PPFIBP1: variants seen among roughly 807,000 people sequenced by gnomAD.
PPFIBP1 encodes liprin-beta-1.
Under a neutral mutation model 137.8 loss-of-function variants are expected in PPFIBP1, and 112 were observed. The observed-to-expected ratio is 0.81, with a 90% CI of 0.70 to 0.95. PPFIBP1 has a LOEUF of 0.95. Among genes scored for constraint, PPFIBP1 ranks in the 40% least tolerant of loss-of-function variants. The probability of loss-of-function intolerance (pLI) is 0.00; values close to 1 mark genes in which losing one functional copy is unlikely to be tolerated. For missense variants in PPFIBP1, 1,083 were observed against 1,196.6 expected (o/e 0.91, Z 1.40); for synonymous variants, 378 against 417.3 (o/e 0.91, Z 1.15).
chr12:27,677,009 T>C (rs755235289), intron 18 of PPFIBP1, 55 bp from the exon 19 acceptor site: 2 of 1,613,532 alleles, frequency 1.2e-6, no homozygotes, highest in Non-Finnish European at 1.7e-6. Flanking sequence ...TTGTCATCTC[T>C]GTGTTCTCTC....
chr12:27,573,947 A>G (rs2050346759), intron 1 of PPFIBP1, among the ~76,000 whole-genome samples: 1 of 150,600 alleles, frequency 6.6e-6, no homozygotes, highest in South Asian at 2.1e-4. Context: ...GTACCACTGC[A>G]CTCCAGCTTG....
intron 2 of PPFIBP1, among the ~76,000 whole-genome samples, chr12:27,595,879 ACAACAAAATATATATATATAT>A (rs2053180884): frequency 1.1e-4 from 5 of 46,434 alleles, no homozygotes; most frequent in Non-Finnish European, 1.3e-4. Flanking sequence ...AACAACAACA[ACAACAAAATATATATATATAT>A]ATATATATAT....
intron 18 of PPFIBP1, 77 bp from the exon 19 acceptor site, chr12:27,676,987 C>T (rs1161560600): frequency 1.2e-6 from 2 of 1,600,282 alleles, no homozygotes; most frequent in African/African-American, 2.7e-5. Flanking sequence ...GGAGTCTGAT[C>T]TGCATTTCAT....
intron 9 of PPFIBP1, 54 bp from the exon 10 acceptor site, chr12:27,658,762 T>G: frequency 1.3e-6 from 2 of 1,523,072 alleles, no homozygotes; most frequent in Non-Finnish European, 1.8e-6. Context: ...TTAAAAATAT[T>G]ACTTATTGTT....
intron 17 of PPFIBP1, among the ~76,000 whole-genome samples, chr12:27,676,184 G>A (rs758833194): frequency 4.6e-5 from 7 of 152,104 alleles, no homozygotes; most frequent in Admixed American, 3.3e-4. Context: ...TAGACATATC[G>A]ATTCTAGATT....
At chr12:27,539,948 A>G (rs1945466681) in intron 1 of PPFIBP1, among the ~76,000 whole-genome samples, 1 of 151,878 alleles carries the variant, frequency 6.6e-6, no homozygotes. Flanking sequence ...TTTTATTTTC[A>G]TTTCCTTACA....
chr12:27,534,214 G>C (rs1944723211), intron 1 of PPFIBP1, among the ~76,000 whole-genome samples: 1 of 152,170 alleles, frequency 6.6e-6, no homozygotes, highest in Non-Finnish European at 1.5e-5. Flanking sequence ...AAATCAAGTG[G>C]AGGGCAGTGG....
intron 2 of PPFIBP1, among the ~76,000 whole-genome samples, chr12:27,596,247 TGC>T (rs1407696743): frequency 2.6e-5 from 4 of 152,226 alleles, no homozygotes; most frequent in African/African-American, 9.6e-5. Flanking sequence ...AGTTAAAGTT[TGC>T]CATGACTCAG....
In PPFIBP1 at chr12:27,693,063, A is replaced by G; in HGVS notation, c.*181A>G. The G allele has an allele frequency of 2.4e-6, 2 of 843,674 alleles. No homozygotes were observed. Among genetic ancestry groups the G allele is most frequent in the Non-Finnish European group, 3.4e-6 (2 of 583,252 alleles). The allele number at this position is 843,674 out of a possible 1,614,324, so 52.3% of individuals were successfully genotyped here. On this transcript the variant is annotated 3_prime_UTR_variant, in exon 30 of 30. Coordinates refer to ENST00000228425, the MANE Select transcript of PPFIBP1 (RefSeq NM_003622.4). ...CGATTCTGAAGTTGCCACAAAAAAT[A>G]AGACACTGGTGAATGAGAGTATAAT... is the stretch of plus-strand genomic sequence containing the variant.
At chr12:27,619,967 T>C (rs900577034) in intron 2 of PPFIBP1, among the ~76,000 whole-genome samples, 1 of 151,824 alleles carries the variant, frequency 6.6e-6, no homozygotes, top group African/African-American at 2.4e-5. Context: ...ATTTTATATA[T>C]ATATTTACAT....
At chr12:27,633,663 T>G (rs553952577) in intron 3 of PPFIBP1, among the ~76,000 whole-genome samples, 3 of 152,320 alleles carry the variant, frequency 2.0e-5, no homozygotes, top group Non-Finnish European at 2.9e-5. Context: ...ATCAAAAATT[T>G]CAGTTCCATC....
rs188579193 is a variant in PPFIBP1, at chr12:27,595,542, C to G, written c.-36+17303C>G. Reference sequence around the variant, plus strand: ...CGGGGATAGAAAGCCACAGAATTATCCCTTTTGCTTCCAAAATATTCTGTG... The same window carrying G: ...CGGGGATAGAAAGCCACAGAATTATGCCTTTTGCTTCCAAAATATTCTGTG... On this transcript the variant is annotated intron_variant, in intron 2 of 29. Coordinates refer to ENST00000228425, the MANE Select transcript of PPFIBP1 (RefSeq NM_003622.4). 3.8e-3 allele frequency among the ~76,000 whole-genome samples: 583 copies of G among 152,210 alleles called. 1 individual carries two copies. The highest frequency in any genetic ancestry group is 6.4e-3 in the Non-Finnish European group (434 of 68,010).
At chr12:27,689,640 C>G (rs1305052089) in intron 27 of PPFIBP1, among the ~76,000 whole-genome samples, 1 of 152,102 alleles carries the variant, frequency 6.6e-6, no homozygotes, top group African/African-American at 2.4e-5. Flanking sequence ...TGTGTTAAGT[C>G]TCTGCCTTTT....
chr12:27,664,397 C>T lies in PPFIBP1; in HGVS notation c.942C>T (p.Asn314=). ...RKIEDLRQCL[N]RYKKMQDTVV... ...TAGAAGATCTTCGACAGTGCCTGAA[C>T]AGGTACAAGAAAATGCAAGACACGG... Residue 314 remains asparagine, a synonymous_variant, in exon 12 of 30, where the codon AAC becomes AAT. Transcript: ENST00000228425. 1 of 1,612,806 alleles carries T rather than the reference C, an allele frequency of 6.2e-7. No individual in the cohort carries two copies. Among genetic ancestry groups the T allele is most frequent in the Non-Finnish European group, 8.5e-7 (1 of 1,179,066 alleles).
intron 2 of PPFIBP1, among the ~76,000 whole-genome samples, chr12:27,618,598 C>T (rs185019205): frequency 3.3e-5 from 5 of 152,304 alleles, no homozygotes; most frequent in Admixed American, 3.3e-4. Flanking sequence ...CTGGAACTAA[C>T]CAACCTCCCT....
chr12:27,562,216 C>A (rs2049226994), intron 1 of PPFIBP1, among the ~76,000 whole-genome samples: 1 of 151,996 alleles, frequency 6.6e-6, no homozygotes, highest in Non-Finnish European at 1.5e-5. Context: ...ATTGCTATAT[C>A]CTCAGCAACT....
intron 13 of PPFIBP1, among the ~76,000 whole-genome samples, chr12:27,668,237 A>C (rs534807074): frequency 6.6e-6 from 1 of 152,282 alleles, no homozygotes; most frequent in East Asian, 1.9e-4. Context: ...GATGTGGGTG[A>C]AGCTCCTCAG....
chr12:27,671,725 GA>G (rs2060211206), intron 14 of PPFIBP1, among the ~76,000 whole-genome samples, 179 bp downstream of exon 14: 2 of 152,170 alleles, frequency 1.3e-5, no homozygotes, highest in South Asian at 4.1e-4. Flanking sequence ...TGTGAAGCAG[GA>G]AATAATAAGA....
At chr12:27,633,876 T>A (rs1258844896) in intron 3 of PPFIBP1, among the ~76,000 whole-genome samples, 3 of 149,018 alleles carry the variant, frequency 2.0e-5, no homozygotes, top group Admixed American at 6.8e-5. Context: ...CTCTCTCTGT[T>A]GCCCAGGCTG....
Sources: allele counts gnomAD v4.1 joint callset (sites outside exome capture counted in the v4.1 genomes callset), GRCh38; gene constraint gnomAD v4.1.1; transcripts MANE v1.5; gene names NCBI Gene and HGNC (gene_info 2026-07-23, HGNC 2026-07-21).